Variants in GFPT2 observed in about 807,000 individuals in gnomAD.
GFPT2 encodes glutamine--fructose-6-phosphate aminotransferase [isomerizing] 2.
In GFPT2, 62 loss-of-function variants were observed where a neutral mutation model predicts 85.6. That is an observed-to-expected ratio of 0.72 (90% CI 0.59 to 0.90). The LOEUF (loss-of-function observed/expected upper bound fraction) is 0.90. GFPT2 is among the 40% of genes least tolerant of loss of function. The pLI is 0.00. For synonymous variants in GFPT2, 368 were observed against 344.5 expected (o/e 1.07, Z -0.75); for missense variants, 788 against 893.4 (o/e 0.88, Z 1.50).
intron 10 of GFPT2, among the ~76,000 whole-genome samples, chr5:180,317,384 C>G (rs79146971): frequency 0.014 from 2,193 of 152,292 alleles, 62 homozygotes; most frequent in African/African-American, 0.05. Context: ...AAAAAGCCAT[C>G]CAGCTAGGAA....
intron 12 of GFPT2, 36 bp from the exon 13 acceptor site, chr5:180,316,497 GTCAC>G (rs1187682026): frequency 6.2e-7 from 1 of 1,613,044 alleles, no homozygotes; most frequent in Non-Finnish European, 8.5e-7. Context: ...ACTAAAGTCA[GTCAC>G]AGGCACGACA....
chr5:180,311,527 G>A (rs937243411), intron 15 of GFPT2, among the ~76,000 whole-genome samples: 28 of 152,342 alleles, frequency 1.8e-4, no homozygotes, highest in African/African-American at 5.8e-4. Flanking sequence ...TGGTGGGGCT[G>A]CCAAGGAGCG....
At chr5:180,343,429 G>A (rs771517427) in intron 1 of GFPT2, among the ~76,000 whole-genome samples, 1 of 152,248 alleles carries the variant, frequency 6.6e-6, no homozygotes, top group Non-Finnish European at 1.5e-5. Context: ...TGCCCACTCA[G>A]GCACAGCAGG....
intron 4 of GFPT2, among the ~76,000 whole-genome samples, chr5:180,332,860 T>C (rs543281806): frequency 6.6e-6 from 1 of 152,328 alleles, no homozygotes; most frequent in Non-Finnish European, 1.5e-5. Flanking sequence ...TTTTGATCCC[T>C]TCTTTGGATA....
At chr5:180,345,673 A>AT (rs1176072421) in intron 1 of GFPT2, among the ~76,000 whole-genome samples, 8 of 152,280 alleles carry the variant, frequency 5.3e-5, no homozygotes, top group Middle Eastern at 6.8e-3. Flanking sequence ...TGTCTCATCC[A>AT]TTGCTGAGTC....
intron 13 of GFPT2, 93 bp from the exon 14 acceptor site, chr5:180,314,057 A>G (rs904448725): frequency 3.1e-6 from 4 of 1,299,238 alleles, no homozygotes; most frequent in South Asian, 1.5e-5. Context: ...TTACAGGGAA[A>G]TCGGCGCCCG....
At chr5:180,331,970 G>A (rs986021187) in intron 4 of GFPT2, among the ~76,000 whole-genome samples, 1 of 152,206 alleles carries the variant, frequency 6.6e-6, no homozygotes, top group African/African-American at 2.4e-5. Context: ...AGGTCGCAAA[G>A]AACAGTCCAG....
At chr5:180,338,953 C>T (rs959862005) in intron 1 of GFPT2, among the ~76,000 whole-genome samples, 1 of 152,220 alleles carries the variant, frequency 6.6e-6, no homozygotes, top group African/African-American at 2.4e-5. Flanking sequence ...CCTCCATGCA[C>T]TCCCTGATTT....
At chr5:180,337,942 G>A (rs968673820) in intron 2 of GFPT2, among the ~76,000 whole-genome samples, 2 of 152,042 alleles carry the variant, frequency 1.3e-5, no homozygotes, top group East Asian at 1.9e-4. Context: ...GGGCTACGCC[G>A]GGCAGCACAG....
chr5:180,314,101 G>C (rs1018730892), intron 13 of GFPT2, 137 bp from the exon 14 acceptor site: 12 of 774,570 alleles, frequency 1.5e-5, no homozygotes, highest in Non-Finnish European at 2.4e-5. Flanking sequence ...AAAGGAAAAC[G>C]CTCGCTCAAC....
chr5:180,341,116 C>T (rs950980247), intron 1 of GFPT2, among the ~76,000 whole-genome samples: 4 of 152,176 alleles, frequency 2.6e-5, no homozygotes, highest in African/African-American at 9.7e-5. Flanking sequence ...GCCTGTGACT[C>T]GTCCAGAGCC....
chr5:180,332,810 G>A (rs144862010), intron 4 of GFPT2, among the ~76,000 whole-genome samples: 1,611 of 152,328 alleles, frequency 0.011, 11 homozygotes, highest in Non-Finnish European at 0.016. Flanking sequence ...AAAGTGCTGG[G>A]ATTATAGGCT....
At position 180,323,477 on chromosome 5, in the gene GFPT2, G is replaced by A. The variant is rs895536097; in HGVS notation, c.794+711C>T. Among the ~76,000 whole-genome samples the A allele has an allele frequency of 1.1e-4, 16 of 152,086 alleles. No individual in the cohort carries two copies. The highest frequency in any genetic ancestry group is 2.9e-4 in the African/African-American group (12 of 41,398). On this transcript the variant is annotated intron_variant, in intron 9 of 18. Coordinates refer to ENST00000253778, the MANE Select transcript of GFPT2 (RefSeq NM_005110.4). The surrounding 1 kb of genome is among the most constrained non-coding windows in gnomAD (Gnocchi z 4.0). Reference sequence around the variant, plus strand: ...TTGGGTCTTTGAAGAAGGTACCAGAGGTGATTACAGCAGTTTTCTACTTCA... The same window carrying A: ...TTGGGTCTTTGAAGAAGGTACCAGAAGTGATTACAGCAGTTTTCTACTTCA...
chr5:180,342,925 G>C (rs1229612119), intron 1 of GFPT2, among the ~76,000 whole-genome samples: 8 of 151,778 alleles, frequency 5.3e-5, no homozygotes, highest in African/African-American at 1.9e-4. Context: ...AAGGAAGAAA[G>C]AAAGAAAGAA....
chr5:180,314,133 C>T (rs1169365561), intron 13 of GFPT2, among the ~76,000 whole-genome samples, 169 bp from the exon 14 acceptor site: 1 of 152,176 alleles, frequency 6.6e-6, no homozygotes, highest in African/African-American at 2.4e-5. Flanking sequence ...TTGATTCTTA[C>T]ATTCAAGGTG....
chr5:180,344,629 G>A (rs143226223), intron 1 of GFPT2, among the ~76,000 whole-genome samples: 105 of 152,298 alleles, frequency 6.9e-4, no homozygotes, highest in Middle Eastern at 6.8e-3. Context: ...AGGAGTGACC[G>A]TGCGGCACCT....
At chr5:180,316,081 C>T (rs1046216022) in intron 13 of GFPT2, among the ~76,000 whole-genome samples, 3 of 152,186 alleles carry the variant, frequency 2.0e-5, no homozygotes, top group Non-Finnish European at 2.9e-5. Flanking sequence ...GGAGAAGCCA[C>T]GGGGCAGGGG....
At position 180,318,881 on chromosome 5, in the gene GFPT2, G is replaced by C. The variant is rs774474304; in HGVS notation, c.870C>G (p.Leu290=). ...DDIAAVADGK[L]SIHRVKRSAS... is the part of the protein sequence containing the mutation. Reference sequence around the variant, plus strand: ...CCGAGCGCTTGACCCGGTGAATGGAGAGTTTCCCATCAGCCACTGCGGCGA... The same window carrying C: ...CCGAGCGCTTGACCCGGTGAATGGACAGTTTCCCATCAGCCACTGCGGCGA... The change falls in exon 10 of 19, where the codon CTC becomes CTG. Residue 290 remains leucine (L), a synonymous_variant. Transcript: ENST00000253778. This position sits in a 1 kb window ranked among gnomAD's most constrained non-coding sequence, Gnocchi z 4.2. The C allele has an allele frequency of 1.9e-5, 30 of 1,613,862 alleles. 1 individual carries two copies. In the East Asian group the frequency reaches 6.2e-4, roughly 34 times the overall value.
intron 18 of GFPT2, 122 bp from the exon 19 acceptor site, chr5:180,301,730 G>C (rs142827230): frequency 1.3e-6 from 1 of 791,426 alleles, no homozygotes; most frequent in African/African-American, 1.7e-5. Context: ...CACCAACCTA[G>C]AGACCTGCGT....
Sources: allele counts gnomAD v4.1 joint callset (sites outside exome capture counted in the v4.1 genomes callset), GRCh38; gene constraint gnomAD v4.1.1; non-coding constraint Gnocchi (gnomAD v3.1); transcripts MANE v1.5; gene names NCBI Gene and HGNC (gene_info 2026-07-23, HGNC 2026-07-21).